Variants in LMBRD1 observed in about 807,000 individuals in gnomAD.
LMBRD1 encodes lysosomal cobalamin transport escort protein LMBD1.
A neutral mutation model predicts 74.8 loss-of-function variants in LMBRD1; 64 were observed. The observed-to-expected ratio is 0.86, with a 90% CI of 0.70 to 1.05. The LOEUF is 1.05. Ranked by LOEUF, LMBRD1 falls within the 50% of genes least tolerant of loss-of-function variation. LMBRD1 has a pLI of 0.00. For synonymous variants in LMBRD1, 204 were observed against 216.3 expected, an observed-to-expected ratio of 0.94 and a Z score of 0.50; for missense variants, 652 against 645.9, an observed-to-expected ratio of 1.01 and a Z score of -0.10.
chr6:69,717,905 C>A (rs935824469), intron 8 of LMBRD1, among the ~76,000 whole-genome samples: 21 of 152,036 alleles, frequency 1.4e-4, no homozygotes, highest in African/African-American at 4.8e-4. Context: ...TGCCATATTG[C>A]CCAAGCTGGT....
At chr6:69,707,937 A>C (rs567778691) in intron 9 of LMBRD1, among the ~76,000 whole-genome samples, 1 of 152,292 alleles carries the variant, frequency 6.6e-6, no homozygotes, top group South Asian at 2.1e-4. Context: ...TTGAATATAC[A>C]CCTAAAAATA....
intron 14 of LMBRD1, among the ~76,000 whole-genome samples, chr6:69,696,456 A>C (rs778555295): frequency 4.6e-5 from 7 of 152,074 alleles, no homozygotes; most frequent in Non-Finnish European, 1.0e-4. Context: ...CTCTTTAGTC[A>C]CTTTCTAAAG....
chr6:69,707,315 A>G (rs547741365), intron 9 of LMBRD1, among the ~76,000 whole-genome samples: 1 of 152,296 alleles, frequency 6.6e-6, no homozygotes, highest in South Asian at 2.1e-4. Context: ...CCACCTGAAT[A>G]ACCCAGGATA....
intron 5 of LMBRD1, 144 bp from the exon 6 acceptor site, chr6:69,742,021 T>C (rs1767115332): frequency 7.0e-6 from 4 of 574,168 alleles, no homozygotes; most frequent in Non-Finnish European, 1.2e-5. Context: ...GTTTCTTATC[T>C]ATGCATTTAC....
chr6:69,765,506 C>T (rs1388515655), intron 3 of LMBRD1, among the ~76,000 whole-genome samples: 1 of 152,026 alleles, frequency 6.6e-6, no homozygotes. Context: ...GTCTTGTTTA[C>T]TGAGTTTTAT....
At chr6:69,691,146 TCTC>T (rs796200856) in intron 14 of LMBRD1, among the ~76,000 whole-genome samples, 1 of 80,490 alleles carries the variant, frequency 1.2e-5, no homozygotes, top group African/African-American at 3.2e-5. Context: ...GGCCTCTCTC[TCTC>T]TTTTTTTTTT....
At chr6:69,718,159 A>G (rs1326987176) in intron 8 of LMBRD1, among the ~76,000 whole-genome samples, 1 of 152,156 alleles carries the variant, frequency 6.6e-6, no homozygotes, top group East Asian at 1.9e-4. Flanking sequence ...TTTATCTGTT[A>G]CTTGAAGACG....
Position 69,675,266 on chromosome 6 carries a change from C to G in LMBRD1, c.*892G>C, listed in dbSNP as rs1218165998. Among the ~76,000 whole-genome samples, 1 of 152,004 alleles carries G rather than the reference C, an allele frequency of 6.6e-6. No homozygotes were observed. The highest frequency in any genetic ancestry group is 1.9e-4 in the East Asian group (1 of 5,186). On this transcript the variant is annotated 3_prime_UTR_variant, in exon 16 of 16. Coordinates refer to ENST00000649934, the MANE Select transcript of LMBRD1 (RefSeq NM_018368.4). ...GTTCTAATGTGCTTATGTTAGTAAA[C>G]TAGAATATAATTTTTTATTATTTCT...
intron 3 of LMBRD1, among the ~76,000 whole-genome samples, chr6:69,761,718 T>C (rs950457427): frequency 1.3e-5 from 2 of 152,254 alleles, no homozygotes; most frequent in African/African-American, 2.4e-5. Flanking sequence ...TATAAAGTTC[T>C]ATAGCCATCA....
intron 7 of LMBRD1, among the ~76,000 whole-genome samples, chr6:69,725,841 T>A (rs954920296): frequency 2.0e-5 from 3 of 152,136 alleles, no homozygotes; most frequent in Non-Finnish European, 4.4e-5. Flanking sequence ...GCTTCTTAAG[T>A]AATACCTTAG....
intron 5 of LMBRD1, among the ~76,000 whole-genome samples, chr6:69,745,298 T>C (rs1052904215): frequency 3.4e-5 from 5 of 147,238 alleles, no homozygotes; most frequent in African/African-American, 1.0e-4. Flanking sequence ...GTCGCCCAGG[T>C]CGGACTGCGG....
At chr6:69,714,639 C>T (rs1188593504) in intron 8 of LMBRD1, among the ~76,000 whole-genome samples, 1 of 152,028 alleles carries the variant, frequency 6.6e-6, no homozygotes, top group Non-Finnish European at 1.5e-5. Flanking sequence ...TTTAATATTC[C>T]TATTAAGGTT....
intron 2 of LMBRD1, among the ~76,000 whole-genome samples, chr6:69,789,008 G>A (rs1412104867): frequency 6.6e-6 from 1 of 152,142 alleles, no homozygotes; most frequent in Non-Finnish European, 1.5e-5. Context: ...GTTACTAAAT[G>A]TAAATCACTT....
At chr6:69,691,551 A>T (rs1765878805) in intron 14 of LMBRD1, among the ~76,000 whole-genome samples, 1 of 152,148 alleles carries the variant, frequency 6.6e-6, no homozygotes, top group African/African-American at 2.4e-5. Flanking sequence ...ATTCTGTGAA[A>T]ATAAGTCAAT....
At chr6:69,696,615 T>A (rs1485026540) in intron 14 of LMBRD1, among the ~76,000 whole-genome samples, 1 of 152,032 alleles carries the variant, frequency 6.6e-6, no homozygotes, top group Non-Finnish European at 1.5e-5. Context: ...CTTCCCTTGA[T>A]GTGCATACCA....
chr6:69,713,901 CT>C, intron 8 of LMBRD1, 104 bp from the exon 9 acceptor site: 1 of 1,223,106 alleles, frequency 8.2e-7, no homozygotes, highest in Non-Finnish European at 1.2e-6. Flanking sequence ...GATGGACACT[CT>C]TTAGGCAAAT....
chr6:69,695,505 G>A lies in LMBRD1; in HGVS notation c.1417+2058C>T, dbSNP rs1008925223. 2.0e-5 allele frequency among the ~76,000 whole-genome samples: 3 copies of A among 152,036 alleles called. 1 individual carries two copies. Among genetic ancestry groups the A allele is most frequent in the South Asian group, 4.1e-4 (2 of 4,820 alleles). ...GACTCTGTTGGAAACCAAAATCCAC[G>A]AATGCTCAAGTCCCTTACATAAAAT... On this transcript the variant is annotated intron_variant, in intron 14 of 15. Transcript: ENST00000649934.
At chr6:69,753,159 T>C (rs904418971) in intron 3 of LMBRD1, among the ~76,000 whole-genome samples, 2 of 152,218 alleles carry the variant, frequency 1.3e-5, no homozygotes, top group Admixed American at 1.3e-4. Flanking sequence ...AAAATATTTA[T>C]CTAAATTCAA....
intron 14 of LMBRD1, among the ~76,000 whole-genome samples, chr6:69,679,320 T>G (rs1345644187): frequency 2.6e-5 from 4 of 152,170 alleles, no homozygotes; most frequent in Non-Finnish European, 5.9e-5. Flanking sequence ...CACTAGGTGC[T>G]GGGAGTTCAG....
Sources: gnomAD v4.1 joint callset for allele counts (sites outside exome capture counted in the v4.1 genomes callset) on GRCh38, gnomAD v4.1.1 for gene constraint, MANE v1.5 for transcripts, NCBI Gene and HGNC (gene_info 2026-07-23, HGNC 2026-07-21) for gene names.